The following ARID1A variants were observed in gnomAD, a reference collection of about 807,000 sequenced individuals.
The protein encoded by ARID1A is AT-rich interaction domain 1A.
In ARID1A, 20 loss-of-function variants were observed where a neutral mutation model predicts 212.6. The ratio of observed to expected loss-of-function variants is 0.09; its 90% CI spans 0.07 to 0.14. ARID1A has a LOEUF of 0.14. Among genes scored for constraint, ARID1A ranks in the 10% least tolerant of loss-of-function variants. The pLI is 1.00. For missense variants in ARID1A, 2,587 were observed against 3,059.0 expected, an observed-to-expected ratio of 0.85 and a Z score of 3.64; for synonymous variants, 1,376 against 1,222.1, an observed-to-expected ratio of 1.13 and a Z score of -2.63.
At chr1:26,702,182 G>A (rs1164646688) in intron 1 of ARID1A, among the ~76,000 whole-genome samples, 2 of 152,136 alleles carry the variant, frequency 1.3e-5, no homozygotes, top group Non-Finnish European at 2.9e-5. Flanking sequence ...TGAGAGAGAA[G>A]CAAATGTTCC....
chr1:26,764,478 T>A (rs1443194924), intron 8 of ARID1A: 1 of 152,244 alleles, frequency 6.6e-6, no homozygotes, highest in Non-Finnish European at 1.5e-5. Flanking sequence ...CCATTTCTCC[T>A]ACTGTTTTAT....
In ARID1A at chr1:26,779,442, G is replaced by C. The variant is rs557275114; in HGVS notation, c.5544G>C (p.Gly1848=). ...DSGLLHWRIG[G]GDTTEHIQTH... is the part of the protein sequence containing the mutation. ...GCCTGCTGCACTGGCGGATTGGTGG[G>C]GGGGACACCACTGAGCATATCCAGA... The change falls in exon 20 of 20, where the codon GGG becomes GGC. Residue 1848 remains glycine (G), a synonymous_variant. Coordinates refer to ENST00000324856, the MANE Select transcript of ARID1A (RefSeq NM_006015.6). The C allele has an allele frequency of 3.7e-6, 6 of 1,614,104 alleles. No individual in the cohort carries two copies. The highest frequency in any genetic ancestry group is 5.1e-6 in the Non-Finnish European group (6 of 1,180,026).
intron 1 of ARID1A, among the ~76,000 whole-genome samples, chr1:26,715,680 G>A (rs2080495946): frequency 6.6e-6 from 1 of 152,000 alleles, no homozygotes; most frequent in African/African-American, 2.4e-5. Context: ...TCACTTAATT[G>A]CCCAGTCCTG....
chr1:26,747,186 G>A (rs1362835530), intron 4 of ARID1A, among the ~76,000 whole-genome samples: 2 of 152,016 alleles, frequency 1.3e-5, no homozygotes, highest in Non-Finnish European at 2.9e-5. Flanking sequence ...CATCCCTCTG[G>A]GGACCAGTGC....
rs1357652676 is a variant in ARID1A, at chr1:26,735,792, GC to G, written c.1920+3002del. 2.0e-5 allele frequency among the ~76,000 whole-genome samples: 3 copies of G among 152,198 alleles called. No individual in the cohort carries two copies. The East Asian group carries it at 5.8e-4, about 29-fold the overall frequency. ...ACCTCTACTTTATTCTTTTTTCTCTGCCTTGCTCTTGGCTTTCTTTCAGTTT... is the reference window on the plus strand; with the variant it reads ...ACCTCTACTTTATTCTTTTTTCTCTGCTTGCTCTTGGCTTTCTTTCAGTTT... On this transcript the variant is annotated intron_variant, in intron 4 of 19. Transcript: ENST00000324856.
chr1:26,720,208 G>T (rs1185420295), intron 1 of ARID1A, among the ~76,000 whole-genome samples: 2 of 149,936 alleles, frequency 1.3e-5, no homozygotes, highest in African/African-American at 4.9e-5. Context: ...CCGAGGTCAC[G>T]CACTGCACTC....
At chr1:26,720,873 A>G (rs1462535450) in intron 1 of ARID1A, among the ~76,000 whole-genome samples, 1 of 151,416 alleles carries the variant, frequency 6.6e-6, no homozygotes, top group Non-Finnish European at 1.5e-5. Flanking sequence ...CCTGTCTCAA[A>G]AGAAAAAAAA....
chr1:26,710,185 C>G (rs2080436932), intron 1 of ARID1A, among the ~76,000 whole-genome samples: 1 of 147,876 alleles, frequency 6.8e-6, no homozygotes, highest in Non-Finnish European at 1.5e-5. Context: ...CCTGCCATCC[C>G]AGCACTTTGG....
rs2080673529 is a variant in ARID1A, at chr1:26,731,276, A to G, written c.1475A>G (p.Gln492Arg). The G allele has an allele frequency of 6.2e-7, 1 of 1,613,712 alleles. No individual in the cohort carries two copies. The highest frequency in any genetic ancestry group is 8.5e-7 in the Non-Finnish European group (1 of 1,179,946). Residue 492 changes from glutamine (Q) to arginine (R), a missense_variant, in exon 3 of 20, where the codon CAG becomes CGG. Physicochemically the swap from Gln to Arg is conservative, Grantham distance 43 (BLOSUM62 1). Around this residue, in one of 11 missense-constraint regions of ARID1A, gnomAD observed 674 missense variants for 813.4 expected, o/e 0.83. Transcript: ENST00000324856. ...QPPYSQQPPS[Q>R]TPHAQPSYQQ... ...CCCTACTCCCAGCAACCACCGTCCC[A>G]GACCCCTCATGCCCAACCTTCGTAT...
rs375639155 is a variant in ARID1A, at chr1:26,779,910, C to G, written c.6012C>G (p.His2004Gln). 6.2e-7 allele frequency: 1 copy of G among 1,614,152 alleles called. No individual in the cohort carries two copies. The highest frequency in any genetic ancestry group is 8.5e-7 in the Non-Finnish European group (1 of 1,180,028). Reference protein sequence around the residue: ...VPGNDFEMSKHPGLLLILGKL... With the variant: ...VPGNDFEMSKQPGLLLILGKL... ...GCAATGACTTTGAGATGTCCAAACA[C>G]CCAGGGCTGCTGCTCATCCTGGGCA... Residue 2004 changes from histidine to glutamine, a missense_variant, in exon 20 of 20, where the codon CAC becomes CAG. Coordinates refer to ENST00000324856, the MANE Select transcript of ARID1A (RefSeq NM_006015.6).
chr1:26,766,526 A>G lies in ARID1A; in HGVS notation c.2948A>G (p.Asn983Ser), dbSNP rs745379001. The change falls in exon 10 of 20, where the codon AAC becomes AGC. Residue 983 changes from asparagine (N) to serine (S), a missense_variant. By Grantham distance (46) the Asn-to-Ser change is conservative. Around this residue, in one of 11 missense-constraint regions of ARID1A, gnomAD observed 674 missense variants for 813.4 expected, o/e 0.83. Transcript: ENST00000324856. ...VKLTPATKMN[N>S]KADGTPKTES... ...TTAACTCCAGCCACCAAAATGAACA[A>G]CAAGGCAGATGGGACACCCAAGACA... 6 of 1,613,748 alleles carry G rather than the reference A, an allele frequency of 3.7e-6. No homozygotes were observed. The highest frequency in any genetic ancestry group is 1.6e-4 in the Middle Eastern group (1 of 6,084).
At chr1:26,709,914 C>G (rs1295821409) in intron 1 of ARID1A, among the ~76,000 whole-genome samples, 1 of 151,448 alleles carries the variant, frequency 6.6e-6, no homozygotes, top group African/African-American at 2.4e-5. Flanking sequence ...TCACTGCAAC[C>G]TCCGCCTCCT....
rs2124110995 is a variant in ARID1A, at chr1:26,773,426, C to A, written c.3796C>A (p.Pro1266Thr). The change falls in exon 15 of 20, where the codon CCT becomes ACT. Residue 1266 changes from proline to threonine, a missense_variant. Around this residue, in one of 11 missense-constraint regions of ARID1A, gnomAD observed 890 missense variants for 1,098.2 expected, o/e 0.81. Transcript: ENST00000324856. ...TGACCCCTACAGTCGTGCTGCCGGC[C>A]CTGGGCTAGGAAATGTGGCGATGGG... The part of the protein sequence containing the change: ...MGDPYSRAAG[P>T]GLGNVAMGPR... 1.2e-6 allele frequency: 2 copies of A among 1,613,676 alleles called. No homozygotes were observed. Among genetic ancestry groups the A allele is most frequent in the South Asian group, 1.1e-5 (1 of 90,982 alleles).
intron 18 of ARID1A, 91 bp from the exon 19 acceptor site, chr1:26,775,486 T>C: frequency 6.5e-7 from 1 of 1,545,176 alleles, no homozygotes. Flanking sequence ...CCTTGTGTTA[T>C]CTTCAGAGTA....
At chr1:26,726,730 T>G (rs1191943299) in intron 1 of ARID1A, among the ~76,000 whole-genome samples, 2 of 152,200 alleles carry the variant, frequency 1.3e-5, no homozygotes, top group East Asian at 3.8e-4. Flanking sequence ...ACTTTGGTAT[T>G]TGGGAGAGCT....
chr1:26,732,408 C>T (rs1244303986), intron 3 of ARID1A, among the ~76,000 whole-genome samples: 2 of 152,196 alleles, frequency 1.3e-5, no homozygotes, highest in South Asian at 2.1e-4. Flanking sequence ...ATAGATTTAA[C>T]TTGAAGTTGG....
Position 26,697,134 on chromosome 1 carries a change from C to A in ARID1A, c.731C>A (p.Ala244Glu). Residue 244 changes from alanine (A) to glutamate (E), a missense_variant, in exon 1 of 20, where the codon GCG becomes GAG. By Grantham distance (107) the Ala-to-Glu change is moderately radical. Around this residue, in one of 11 missense-constraint regions of ARID1A, gnomAD observed 735 missense variants for 590.6 expected, o/e 1.24. Coordinates refer to ENST00000324856, the MANE Select transcript of ARID1A (RefSeq NM_006015.6). ...PRGGTPGSGA[A>E]AAAGSKPPPS... The stretch of plus-strand genomic sequence containing the variant: ...GGTGGCACTCCGGGCTCCGGCGCGG[C>A]GGCGGCTGCCGGCTCCAAGCCGCCT... 7.0e-7 allele frequency: 1 copy of A among 1,435,546 alleles called. No individual in the cohort carries two copies. Among genetic ancestry groups the A allele is most frequent in the Non-Finnish European group, 9.1e-7 (1 of 1,098,528 alleles). 88.9% of individuals were successfully genotyped at this position (1,435,546 alleles called of 1,614,324 possible). A position where few individuals can be genotyped will look rare whatever the true frequency, so the allele number is the denominator to read the frequency against.
intron 1 of ARID1A, among the ~76,000 whole-genome samples, chr1:26,722,630 AGTT>A (rs1442654222): frequency 1.3e-5 from 2 of 152,210 alleles, no homozygotes; most frequent in African/African-American, 4.8e-5. Context: ...GTTGCAAACT[AGTT>A]GTTGATTCCT....
chr1:26,739,989 TAAAAAAA>T (rs576941187), intron 4 of ARID1A, among the ~76,000 whole-genome samples: 1 of 127,474 alleles, frequency 7.8e-6, no homozygotes, highest in African/African-American at 2.9e-5. Flanking sequence ...GTGATCATCT[TAAAAAAA>T]AAAAAAAAGA....
Sources: gnomAD v4.1 joint callset for allele counts (sites outside exome capture counted in the v4.1 genomes callset) on GRCh38, gnomAD v4.1.1 for gene constraint, gnomAD v4.1.1 regional missense constraint, MANE v1.5 for transcripts, NCBI Gene and HGNC (gene_info 2026-07-23, HGNC 2026-07-21) for gene names.